The following PIP4P2 variants were observed in gnomAD, a reference collection of about 807,000 sequenced individuals.
The protein encoded by PIP4P2 is type 2 phosphatidylinositol 4,5-bisphosphate 4-phosphatase.
PIP4P2 carries 19 observed loss-of-function variants against 33.3 expected under a neutral mutation model. That is an observed-to-expected ratio of 0.57 (90% CI 0.40 to 0.84). PIP4P2 has a LOEUF of 0.84. PIP4P2 is among the 40% of genes least tolerant of loss of function. The probability of loss-of-function intolerance (pLI) is 0.00; values close to 1 mark genes in which losing one functional copy is unlikely to be tolerated. For missense variants in PIP4P2, 270 were observed against 324.7 expected (o/e 0.83, Z 1.29); for synonymous variants, 110 against 111.9 (o/e 0.98, Z 0.11).
chr8:91,005,624 T>C (rs1205292902), intron 5 of PIP4P2, among the ~76,000 whole-genome samples: 1 of 152,224 alleles, frequency 6.6e-6, no homozygotes, highest in Non-Finnish European at 1.5e-5. Flanking sequence ...ACAGAATTGT[T>C]TGTTGAATTA....
At chr8:91,016,438 G>A (rs1404284531) in intron 4 of PIP4P2, 1 of 152,042 alleles carries the variant, frequency 6.6e-6, no homozygotes, top group Non-Finnish European at 1.5e-5. Context: ...AAAAGAAAAA[G>A]AAGAAAAAAT....
At chr8:91,004,248 G>C (rs1009291785) in intron 5 of PIP4P2, among the ~76,000 whole-genome samples, 1 of 152,102 alleles carries the variant, frequency 6.6e-6, no homozygotes, top group Non-Finnish European at 1.5e-5. Flanking sequence ...CAGAGGGCCT[G>C]GAGTTCTGAT....
At chr8:91,001,189 A>C (rs1811693892) in intron 5 of PIP4P2, among the ~76,000 whole-genome samples, 1 of 152,130 alleles carries the variant, frequency 6.6e-6, no homozygotes, top group South Asian at 2.1e-4. Flanking sequence ...CTTGCAAATT[A>C]TAATACAATA....
At chr8:91,022,713 A>G (rs1812028499) in intron 1 of PIP4P2, among the ~76,000 whole-genome samples, 1 of 152,208 alleles carries the variant, frequency 6.6e-6, no homozygotes, top group African/African-American at 2.4e-5. Flanking sequence ...AGCATAAAAC[A>G]TTTTGGTATG....
intron 3 of PIP4P2, among the ~76,000 whole-genome samples, chr8:91,019,069 T>G (rs1179669396): frequency 6.6e-6 from 1 of 151,874 alleles, no homozygotes; most frequent in East Asian, 1.9e-4. Flanking sequence ...GCTAGAGAGA[T>G]CACAGAAAAA....
At chr8:90,996,826 G>T in intron 5 of PIP4P2, 82 bp from the exon 6 acceptor site, 2 of 1,083,024 alleles carry the variant, frequency 1.8e-6, no homozygotes, top group Non-Finnish European at 2.7e-6. Context: ...TCTTATCTAT[G>T]GCTTTAGTAA....
At chr8:91,032,603 A>G (rs532715153) in intron 1 of PIP4P2, among the ~76,000 whole-genome samples, 1 of 152,132 alleles carries the variant, frequency 6.6e-6, no homozygotes, top group East Asian at 1.9e-4. Flanking sequence ...CAACATGGTG[A>G]AACCCCACCT....
rs893358599 is a variant in PIP4P2, at chr8:90,993,874, C to T, written c.*1803G>A. The T allele has an allele frequency of 2.6e-5, 4 of 152,164 alleles. No homozygotes were observed. The highest frequency in any genetic ancestry group is 2.6e-4 in the Admixed American group (4 of 15,276). The allele number at this position is 152,164 out of a possible 1,614,324, so 9.4% of individuals were successfully genotyped here. A position where few individuals can be genotyped will look rare whatever the true frequency, so the allele number is the denominator to read the frequency against. Reference sequence around the variant, plus strand: ...TTCACGTAAATTGAGCACATGTACACTAAGAACTGTTCTAAGTGGGGATAA... The same window carrying T: ...TTCACGTAAATTGAGCACATGTACATTAAGAACTGTTCTAAGTGGGGATAA... On this transcript the variant is annotated 3_prime_UTR_variant, in exon 7 of 7. Transcript: ENST00000285419.
chr8:91,037,663 T>C (rs2130385914), intron 1 of PIP4P2, among the ~76,000 whole-genome samples: 1 of 152,326 alleles, frequency 6.6e-6, no homozygotes, highest in Admixed American at 6.5e-5. Flanking sequence ...TGCTGAATAA[T>C]AAACTAAGTA....
intron 1 of PIP4P2, among the ~76,000 whole-genome samples, chr8:91,030,506 T>C (rs1812148606): frequency 2.0e-5 from 3 of 152,204 alleles, no homozygotes; most frequent in Admixed American, 2.0e-4. Flanking sequence ...ATACCAATAA[T>C]ATAATGTAGC....
At chr8:91,030,784 A>T (rs1812152141) in intron 1 of PIP4P2, among the ~76,000 whole-genome samples, 2 of 152,116 alleles carry the variant, frequency 1.3e-5, no homozygotes, top group South Asian at 4.1e-4. Context: ...CTTATAAACT[A>T]TTCTTCATCT....
rs1586180672 is a variant in PIP4P2, at chr8:91,018,239, T to C, written c.486+151A>G. On this transcript the variant is annotated intron_variant, in intron 4 of 6. Coordinates refer to ENST00000285419, the MANE Select transcript of PIP4P2 (RefSeq NM_018710.3). ...TCACAGAAGATGCTCTATATCCTAG[T>C]TGCACTTCTGATTGTCTGCCTAAAT... 8 of 1,219,870 alleles carry C rather than the reference T, an allele frequency of 6.6e-6. No homozygotes were observed. In the East Asian group the frequency reaches 1.2e-4, roughly 19 times the overall value. 75.6% of individuals were successfully genotyped at this position (1,219,870 alleles called of 1,614,324 possible).
chr8:91,003,948 GAGATAGATAGATAGAT>G lies in PIP4P2; in HGVS notation c.539+4779_539+4794del, dbSNP rs74275339. On this transcript the variant is annotated intron_variant, in intron 5 of 6. Transcript: ENST00000285419. ...TTCTCCAGAAAGCCAGAACCAACAG[GAGATAGATAGATAGAT>G]AGATAGATAGATAGATAGATAGATA... 1.8e-3 allele frequency among the ~76,000 whole-genome samples: 248 copies of G among 138,172 alleles called. 1 individual carries two copies. The highest frequency in any genetic ancestry group is 2.6e-3 in the African/African-American group (95 of 36,472). The allele number at this position is 138,172 out of a possible 152,430, so 90.6% of individuals were successfully genotyped here.
intron 1 of PIP4P2, among the ~76,000 whole-genome samples, chr8:91,030,213 CAAA>C (rs35093838): frequency 1.6e-4 from 18 of 114,828 alleles, no homozygotes; most frequent in Admixed American, 1.8e-4. Context: ...GACTCCATCT[CAAA>C]AAAAAAAAAA....
chr8:91,031,683 A>G (rs1812166026), intron 1 of PIP4P2, among the ~76,000 whole-genome samples: 1 of 152,210 alleles, frequency 6.6e-6, no homozygotes. Context: ...AAAACAGTGC[A>G]TGCTAGTTGG....
chr8:90,996,502 T>G, intron 6 of PIP4P2, 152 bp downstream of exon 6: 1 of 521,270 alleles, frequency 1.9e-6, no homozygotes, highest in Non-Finnish European at 3.3e-6. Flanking sequence ...TGGATTGGGT[T>G]TCTGATTGCT....
chr8:91,032,717 G>T (rs1245989741), intron 1 of PIP4P2, among the ~76,000 whole-genome samples: 1 of 150,636 alleles, frequency 6.6e-6, no homozygotes, highest in Non-Finnish European at 1.5e-5. Context: ...GGAGGTAGGG[G>T]TTGCAGTGAG....
At chr8:91,010,529 T>TA (rs1322209323) in intron 4 of PIP4P2, among the ~76,000 whole-genome samples, 2 of 151,944 alleles carry the variant, frequency 1.3e-5, no homozygotes, top group Non-Finnish European at 2.9e-5. Flanking sequence ...GTAGGGACTT[T>TA]ATTCTGTAAT....
At chr8:91,024,836 A>T (rs900051424) in intron 1 of PIP4P2, among the ~76,000 whole-genome samples, 17 of 150,976 alleles carry the variant, frequency 1.1e-4, no homozygotes, top group African/African-American at 4.1e-4. Flanking sequence ...CCTTAATCCT[A>T]AAAAAAAACT....
Sources: gnomAD v4.1 joint callset for allele counts (sites outside exome capture counted in the v4.1 genomes callset) on GRCh38, gnomAD v4.1.1 for gene constraint, MANE v1.5 for transcripts, NCBI Gene and HGNC (gene_info 2026-07-23, HGNC 2026-07-21) for gene names.